The following SRGAP1 variants were observed in gnomAD, a reference collection of about 807,000 sequenced individuals.
SRGAP1 encodes SLIT-ROBO Rho GTPase-activating protein 1.
Under a neutral mutation model 121.9 loss-of-function variants are expected in SRGAP1, and 43 were observed. That is an observed-to-expected ratio of 0.35 (90% CI 0.28 to 0.46). SRGAP1 has a LOEUF of 0.46. Among genes scored for constraint, SRGAP1 ranks in the 20% least tolerant of loss-of-function variants. SRGAP1 has a pLI of 1.00. For synonymous variants in SRGAP1, 447 were observed against 485.4 expected (o/e 0.92, Z 1.04); for missense variants, 1,102 against 1,350.9 (o/e 0.82, Z 2.89).
chr12:64,110,893 C>A (rs1279225911), intron 16 of SRGAP1, among the ~76,000 whole-genome samples: 1 of 152,128 alleles, frequency 6.6e-6, no homozygotes, highest in Non-Finnish European at 1.5e-5. Flanking sequence ...TCTGTCATCA[C>A]CTCACAAAGG....
In SRGAP1 at chr12:64,015,237, T is replaced by C. The variant is rs368510549; in HGVS notation, c.427-1713T>C. Among the ~76,000 whole-genome samples, 7 of 152,280 alleles carry C rather than the reference T, an allele frequency of 4.6e-5. No homozygotes were observed. In the East Asian group the frequency reaches 1.4e-3, roughly 29 times the overall value. On this transcript the variant is annotated intron_variant, in intron 3 of 21. Transcript: ENST00000355086. Reference sequence around the variant, plus strand: ...CCAGATCCTTGAATGAAATCTGATATTAAAATAACACCAAACTGAAGTCAT... The same window carrying C: ...CCAGATCCTTGAATGAAATCTGATACTAAAATAACACCAAACTGAAGTCAT...
intron 1 of SRGAP1, among the ~76,000 whole-genome samples, chr12:63,937,612 T>G (rs539377419): frequency 2.0e-5 from 3 of 152,320 alleles, no homozygotes; most frequent in East Asian, 3.9e-4. Context: ...TGATCTCCCT[T>G]AGGACTAAGA....
At chr12:63,983,021 G>C (rs1368851551) in intron 1 of SRGAP1, 2 of 152,224 alleles carry the variant, frequency 1.3e-5, no homozygotes, top group African/African-American at 4.8e-5. Flanking sequence ...GCCAGCTGAA[G>C]AGGCCTTTTT....
At chr12:64,079,522 T>C (rs1321342481) in intron 9 of SRGAP1, among the ~76,000 whole-genome samples, 1 of 150,034 alleles carries the variant, frequency 6.7e-6, no homozygotes. Flanking sequence ...TATATTTATA[T>C]AGATATATAA....
chr12:63,886,750 C>T lies in SRGAP1; in HGVS notation c.67+41867C>T, dbSNP rs544659306. 1.4e-4 allele frequency among the ~76,000 whole-genome samples: 22 copies of T among 152,178 alleles called. No homozygotes were observed. The South Asian group carries it at 3.3e-3, about 23-fold the overall frequency. On this transcript the variant is annotated intron_variant, in intron 1 of 21. Coordinates refer to ENST00000355086, the MANE Select transcript of SRGAP1 (RefSeq NM_020762.4). The stretch of plus-strand genomic sequence containing the variant: ...CCTCCCAAAATGCTGGGATTACAGG[C>T]GTGAGACACCACGTCTGGCCAAAAC...
chr12:64,091,465 T>C (rs949627193), intron 12 of SRGAP1, 87 bp downstream of exon 12: 19 of 824,314 alleles, frequency 2.3e-5, no homozygotes, highest in Non-Finnish European at 3.0e-5. Flanking sequence ...AAGGTCATTA[T>C]GTCCAAGTCT....
chr12:64,051,063 T>C (rs191818701), intron 6 of SRGAP1, among the ~76,000 whole-genome samples: 22 of 152,210 alleles, frequency 1.4e-4, no homozygotes, highest in African/African-American at 5.1e-4. Context: ...CACGGACAGG[T>C]GTTCCTCAGA....
At chr12:64,018,976 T>C (rs1357025964) in intron 4 of SRGAP1, among the ~76,000 whole-genome samples, 3 of 152,210 alleles carry the variant, frequency 2.0e-5, no homozygotes, top group Non-Finnish European at 4.4e-5. Context: ...TGTGGCACTT[T>C]CCTTGAGGTT....
intron 1 of SRGAP1, among the ~76,000 whole-genome samples, chr12:63,891,876 A>C (rs1026153790): frequency 6.6e-6 from 1 of 151,542 alleles, no homozygotes; most frequent in African/African-American, 2.4e-5. Context: ...AGTTCCAGCT[A>C]CTGTGGGGCT....
intron 1 of SRGAP1, among the ~76,000 whole-genome samples, chr12:63,855,552 A>ATCTC (rs947516982): frequency 8.2e-6 from 1 of 121,810 alleles, no homozygotes; most frequent in African/African-American, 3.2e-5. Context: ...CAGTGGCACC[A>ATCTC]TCTCTATGGC....
At chr12:64,097,479 C>G (rs543590473) in intron 15 of SRGAP1, 104 bp downstream of exon 15, 1 of 1,160,756 alleles carries the variant, frequency 8.6e-7, no homozygotes, top group South Asian at 1.6e-5. Context: ...CCCCATTACC[C>G]CATTACCACC....
At chr12:64,069,971 A>G (rs2035611138) in intron 8 of SRGAP1, among the ~76,000 whole-genome samples, 2 of 152,204 alleles carry the variant, frequency 1.3e-5, no homozygotes, top group African/African-American at 4.8e-5. Flanking sequence ...TCCTGGGCTC[A>G]AGCAATCTTC....
intron 3 of SRGAP1, among the ~76,000 whole-genome samples, chr12:64,006,058 G>T (rs952968135): frequency 1.3e-5 from 2 of 152,164 alleles, no homozygotes; most frequent in Non-Finnish European, 2.9e-5. Context: ...ACTGCTCTTA[G>T]ATAGATAGGA....
At chr12:63,845,440 G>A (rs1005458635) in intron 1 of SRGAP1, among the ~76,000 whole-genome samples, 2 of 152,170 alleles carry the variant, frequency 1.3e-5, no homozygotes, top group Admixed American at 1.3e-4. Flanking sequence ...GTTAAACGAA[G>A]CAGTGACTAG....
chr12:64,019,151 T>G (rs956608677), intron 4 of SRGAP1, among the ~76,000 whole-genome samples: 5 of 152,192 alleles, frequency 3.3e-5, no homozygotes, highest in Admixed American at 6.5e-5. Context: ...ACTTGACCAC[T>G]GAATACAAGA....
chr12:63,878,488 C>T (rs955436204), intron 1 of SRGAP1, among the ~76,000 whole-genome samples: 1 of 152,168 alleles, frequency 6.6e-6, no homozygotes, highest in Admixed American at 6.5e-5. Flanking sequence ...TTGTTCATTA[C>T]TTCATTCCTC....
At chr12:63,916,401 T>C (rs1457203106) in intron 1 of SRGAP1, among the ~76,000 whole-genome samples, 1 of 152,174 alleles carries the variant, frequency 6.6e-6, no homozygotes, top group East Asian at 1.9e-4. Context: ...AGGTGGGTGA[T>C]GAGAAACTGT....
At chr12:63,855,328 A>G (rs66856673) in intron 1 of SRGAP1, among the ~76,000 whole-genome samples, 43,017 of 151,880 alleles carry the variant, frequency 0.28, 7,024 homozygotes, top group East Asian at 0.55. Flanking sequence ...ACCAGTGGGA[A>G]CTTAGTTACA....
At chr12:63,880,246 T>G (rs911769892) in intron 1 of SRGAP1, among the ~76,000 whole-genome samples, 1 of 152,130 alleles carries the variant, frequency 6.6e-6, no homozygotes, top group Non-Finnish European at 1.5e-5. Flanking sequence ...CTTTTTCTTT[T>G]TTTGAGACAG....
Sources: allele counts gnomAD v4.1 joint callset (sites outside exome capture counted in the v4.1 genomes callset), GRCh38; gene constraint gnomAD v4.1.1; transcripts MANE v1.5; gene names NCBI Gene and HGNC (gene_info 2026-07-23, HGNC 2026-07-21).